The following STRA8 variants were observed in gnomAD, a reference collection of about 807,000 sequenced individuals.
The protein encoded by STRA8 is stimulated by retinoic acid 8.
STRA8 carries 18 observed loss-of-function variants against 37.1 expected under a neutral mutation model. The ratio of observed to expected loss-of-function variants is 0.48; its 90% CI spans 0.34 to 0.72. STRA8 has a LOEUF of 0.72. Among genes scored for constraint, STRA8 ranks in the 30% least tolerant of loss-of-function variants. The probability of loss-of-function intolerance (pLI) is 0.01; values close to 1 mark genes in which losing one functional copy is unlikely to be tolerated. For synonymous variants in STRA8, 168 were observed against 162.9 expected (o/e 1.03, Z -0.24); for missense variants, 357 against 410.4 (o/e 0.87, Z 1.13).
chr7:135,258,268 C>G (rs1157426930), intron 8 of STRA8, 150 bp from the exon 9 acceptor site: 8 of 579,092 alleles, frequency 1.4e-5, no homozygotes, highest in Non-Finnish European at 2.1e-5. Context: ...CCCTTGCTTC[C>G]TGGCCCAAGC....
intron 4 of STRA8, among the ~76,000 whole-genome samples, chr7:135,244,693 C>T (rs1832519567): frequency 6.6e-6 from 1 of 152,034 alleles, no homozygotes; most frequent in South Asian, 2.1e-4. Flanking sequence ...TGCTAAATTC[C>T]CTTCTTGGTT....
At chr7:135,232,029 G>C, upstream of STRA8, 1 of 1,614,050 alleles carries the variant, frequency 6.2e-7, no homozygotes, top group Non-Finnish European at 8.5e-7. Flanking sequence ...AAGAAATCAG[G>C]CTGTGGCAGG....
At chr7:135,253,416 G>T (rs766627313) in intron 7 of STRA8, among the ~76,000 whole-genome samples, 61 of 152,232 alleles carry the variant, frequency 4.0e-4, no homozygotes, top group Admixed American at 6.5e-4. Context: ...TTGCGGGCAG[G>T]TTCTCCCAGC....
chr7:135,243,390 C>G lies in STRA8; in HGVS notation c.333C>G (p.Ser111Arg). 6.2e-7 allele frequency: 1 copy of G among 1,614,054 alleles called. No homozygotes were observed. Among genetic ancestry groups the G allele is most frequent in the Non-Finnish European group, 8.5e-7 (1 of 1,179,960 alleles). Reference protein sequence around the residue: ...SLEEVKKEYASMYSGNDSLLS... With the variant: ...SLEEVKKEYARMYSGNDSLLS... ...AGGAGGTCAAGAAAGAATATGCCAG[C>G]ATGTATTCTGGAAATGACAGGTAAG... The change falls in exon 4 of 9, where the codon AGC becomes AGG. Residue 111 changes from serine (S) to arginine (R), a missense_variant. Transcript: ENST00000662584.
intron 7 of STRA8, 144 bp downstream of exon 7, chr7:135,252,013 A>AGTGT (rs59621186): frequency 0.082 from 41,295 of 502,360 alleles, 1,020 homozygotes; most frequent in East Asian, 0.22. Context: ...AGAGAGAGAG[A>AGTGT]GTGTGTGTGT....
chr7:135,255,263 C>T, intron 8 of STRA8, 38 bp downstream of exon 8: 1 of 1,530,476 alleles, frequency 6.5e-7, no homozygotes, highest in South Asian at 1.1e-5. Context: ...CTCTGCCCAC[C>T]TTGCTTAGAT....
At chr7:135,233,821 C>G (rs1176737242), upstream of STRA8, among the ~76,000 whole-genome samples, 1 of 152,352 alleles carries the variant, frequency 6.6e-6, no homozygotes, top group South Asian at 2.1e-4. Context: ...CTGACCCAGA[C>G]AGGAACCGCG....
At chr7:135,240,405 C>G in intron 1 of STRA8, 114 bp from the exon 2 acceptor site, 1 of 950,538 alleles carries the variant, frequency 1.1e-6, no homozygotes, top group South Asian at 1.7e-5. Context: ...GAATTTGGGG[C>G]CTTTACTTGG....
chr7:135,242,135 A>C, intron 2 of STRA8, among the ~76,000 whole-genome samples: 1 of 100,640 alleles, frequency 9.9e-6, no homozygotes. Flanking sequence ...GGAAGGGAGG[A>C]AGGGAGGAAG....
rs1832734855 is a variant in STRA8 at position 135,258,524 on chromosome 7, A to T, written c.*32A>T. 6.4e-7 allele frequency: 1 copy of T among 1,555,702 alleles called. No homozygotes were observed. On this transcript the variant is annotated 3_prime_UTR_variant, in exon 9 of 9. Transcript: ENST00000662584. ...AGAGGAGCTGCGAGGGGAGGGACTG[A>T]ATGAGGTGGGCAGTTCCCAAGGTTG...
Position 135,243,427 on chromosome 7 carries a change from C to T in STRA8, c.353+17C>T. ...AAATGACAGGTAAGACACCACAAAC[C>T]CCAGGAAGCTGGGGACCTGCTGTGT... is the stretch of plus-strand genomic sequence containing the variant. On this transcript the variant is annotated intron_variant, in intron 4 of 8. Coordinates refer to ENST00000662584, the MANE Select transcript of STRA8 (RefSeq NM_001394401.1). 8.7e-6 allele frequency: 14 copies of T among 1,613,038 alleles called. No individual in the cohort carries two copies. The highest frequency in any genetic ancestry group is 1.2e-5 in the Non-Finnish European group (14 of 1,179,222).
chr7:135,239,266 G>T (rs1832424400), intron 1 of STRA8, among the ~76,000 whole-genome samples: 1 of 152,194 alleles, frequency 6.6e-6, no homozygotes, highest in Non-Finnish European at 1.5e-5. Flanking sequence ...GTTAGCGGTG[G>T]CTCTCAAAGT....
intron 1 of STRA8, among the ~76,000 whole-genome samples, chr7:135,237,338 A>T (rs1433497555): frequency 6.6e-6 from 1 of 152,248 alleles, no homozygotes; most frequent in Non-Finnish European, 1.5e-5. Flanking sequence ...GCAACTGCAG[A>T]GGGCTTTTAG....
At chr7:135,248,382 C>T (rs983061260) in intron 6 of STRA8, among the ~76,000 whole-genome samples, 1 of 102,292 alleles carries the variant, frequency 9.8e-6, no homozygotes, top group Non-Finnish European at 1.9e-5. Flanking sequence ...TGCTTCTCAA[C>T]TGAATCACCT....
At chr7:135,256,283 C>A (rs1832701785) in intron 8 of STRA8, among the ~76,000 whole-genome samples, 1 of 152,218 alleles carries the variant, frequency 6.6e-6, no homozygotes, top group African/African-American at 2.4e-5. Flanking sequence ...TCTTCTGGGA[C>A]CACAGTGAAT....
intron 8 of STRA8, among the ~76,000 whole-genome samples, chr7:135,255,753 G>A (rs1832696086): frequency 6.6e-6 from 1 of 152,314 alleles, no homozygotes; most frequent in South Asian, 2.1e-4. Flanking sequence ...TGTCTTCCGT[G>A]AAACTGGTCC....
intron 1 of STRA8, among the ~76,000 whole-genome samples, chr7:135,235,091 C>T (rs1273857684): frequency 6.6e-6 from 1 of 152,154 alleles, no homozygotes; most frequent in Admixed American, 6.5e-5. Context: ...AGTCTGGTCT[C>T]AAACTCCTGA....
chr7:135,251,216 A>G (rs1328903801), intron 6 of STRA8, among the ~76,000 whole-genome samples: 1 of 152,238 alleles, frequency 6.6e-6, no homozygotes, highest in African/African-American at 2.4e-5. Flanking sequence ...TATCTTACTT[A>G]ATTCTTGGAA....
At chr7:135,253,372 A>G (rs1241067527) in intron 7 of STRA8, among the ~76,000 whole-genome samples, 1 of 152,170 alleles carries the variant, frequency 6.6e-6, no homozygotes, top group Non-Finnish European at 1.5e-5. Flanking sequence ...TTTCGGAAGA[A>G]CACAATCCAT....
Sources: gnomAD v4.1 joint callset for allele counts (sites outside exome capture counted in the v4.1 genomes callset) on GRCh38, gnomAD v4.1.1 for gene constraint, MANE v1.5 for transcripts, NCBI Gene and HGNC (gene_info 2026-07-23, HGNC 2026-07-21) for gene names.